Variants in EYS observed in about 807,000 individuals in gnomAD.
The protein encoded by EYS is EGF-like photoreceptor maintenance factor, also known as protein eyes shut homolog.
A neutral mutation model predicts 282.1 loss-of-function variants in EYS; 250 were observed. The ratio of observed to expected loss-of-function variants is 0.89; its 90% CI spans 0.80 to 0.98. The LOEUF (loss-of-function observed/expected upper bound fraction) is 0.98. EYS is among the 50% of genes least tolerant of loss of function. The probability of loss-of-function intolerance (pLI) is 0.00; values close to 1 mark genes in which losing one functional copy is unlikely to be tolerated. For missense variants in EYS, 4,016 were observed against 3,709.0 expected, an observed-to-expected ratio of 1.08 and a Z score of -2.15; for synonymous variants, 1,355 against 1,282.9, an observed-to-expected ratio of 1.06 and a Z score of -1.20.
At chr6:64,636,100 A>G (rs1298455288) in intron 22 of EYS, among the ~76,000 whole-genome samples, 1 of 152,190 alleles carries the variant, frequency 6.6e-6, no homozygotes, top group Non-Finnish European at 1.5e-5. Flanking sequence ...TTTAAAGTTC[A>G]TATGGAACCA....
intron 36 of EYS, among the ~76,000 whole-genome samples, chr6:63,863,451 A>G (rs1772585053): frequency 6.6e-6 from 1 of 151,944 alleles, no homozygotes; most frequent in South Asian, 2.1e-4. Flanking sequence ...GGTTTTGTAA[A>G]GCAACTGGGC....
chr6:64,222,338 C>T (rs902856974), intron 31 of EYS, among the ~76,000 whole-genome samples: 18 of 152,048 alleles, frequency 1.2e-4, no homozygotes, highest in Non-Finnish European at 5.9e-5. Context: ...ATGTTGACAA[C>T]AATGTCTGAA....
intron 35 of EYS, among the ~76,000 whole-genome samples, chr6:63,964,783 C>G (rs1180429493): frequency 1.3e-5 from 2 of 152,174 alleles, no homozygotes; most frequent in Non-Finnish European, 2.9e-5. Flanking sequence ...AAAACAACAA[C>G]CAGTTCCTTT....
At chr6:65,533,389 G>C (rs1244035909) in intron 2 of EYS, among the ~76,000 whole-genome samples, 5 of 152,044 alleles carry the variant, frequency 3.3e-5, no homozygotes. Context: ...ATTCACAGCA[G>C]AATTCTACCA....
At chr6:65,285,735 A>C (rs1419287104) in intron 12 of EYS, among the ~76,000 whole-genome samples, 1 of 152,030 alleles carries the variant, frequency 6.6e-6, no homozygotes, top group Non-Finnish European at 1.5e-5. Context: ...TAAGTGTACA[A>C]ATCGAGAAAT....
chr6:64,815,050 CAG>C, intron 21 of EYS, among the ~76,000 whole-genome samples: 1 of 151,962 alleles, frequency 6.6e-6, no homozygotes, highest in East Asian at 1.9e-4. Flanking sequence ...TAAAAATCAT[CAG>C]AGAGATTAAT....
chr6:64,180,565 C>A (rs1019025808), intron 31 of EYS, among the ~76,000 whole-genome samples: 2 of 149,902 alleles, frequency 1.3e-5, no homozygotes, highest in Non-Finnish European at 2.9e-5. Flanking sequence ...TTTTTCAACC[C>A]ATACCCCCTC....
intron 12 of EYS, among the ~76,000 whole-genome samples, chr6:65,070,563 T>C (rs1480506041): frequency 6.6e-6 from 1 of 151,850 alleles, no homozygotes; most frequent in African/African-American, 2.4e-5. Context: ...GGTTATATCA[T>C]GGCTAGGGAT....
At chr6:64,334,438 A>G (rs1770766628) in intron 29 of EYS, among the ~76,000 whole-genome samples, 1 of 152,174 alleles carries the variant, frequency 6.6e-6, no homozygotes, top group South Asian at 2.1e-4. Flanking sequence ...AAAAATAAAT[A>G]CTAACATTAA....
At chr6:65,218,136 A>T (rs1766363405) in intron 12 of EYS, among the ~76,000 whole-genome samples, 1 of 152,094 alleles carries the variant, frequency 6.6e-6, no homozygotes, top group Non-Finnish European at 1.5e-5. Context: ...AAGTATCTTA[A>T]TATTTTCCTT....
chr6:65,443,589 T>C (rs1217925142), intron 5 of EYS, among the ~76,000 whole-genome samples: 1 of 151,706 alleles, frequency 6.6e-6, no homozygotes, highest in Non-Finnish European at 1.5e-5. Context: ...TATACACATA[T>C]ACATATACAT....
At chr6:64,857,224 C>G (rs1279071537) in intron 19 of EYS, among the ~76,000 whole-genome samples, 1 of 152,106 alleles carries the variant, frequency 6.6e-6, no homozygotes, top group African/African-American at 2.4e-5. Flanking sequence ...GCACTGAATG[C>G]CATACATTTC....
intron 22 of EYS, among the ~76,000 whole-genome samples, chr6:64,643,112 TCCC>T (rs34581754): frequency 1.4e-3 from 206 of 143,720 alleles, no homozygotes; most frequent in African/African-American, 4.0e-3. Flanking sequence ...TGAAACTCCA[TCCC>T]CCCCCCCAAA....
intron 11 of EYS, among the ~76,000 whole-genome samples, chr6:65,296,323 T>C (rs892465522): frequency 6.6e-6 from 1 of 152,082 alleles, no homozygotes; most frequent in Non-Finnish European, 1.5e-5. Flanking sequence ...TGAGTGAAAA[T>C]AACTTTGGTG....
At chr6:65,167,662 T>C (rs1159093418) in intron 12 of EYS, among the ~76,000 whole-genome samples, 1 of 151,204 alleles carries the variant, frequency 6.6e-6, no homozygotes, top group East Asian at 2.0e-4. Flanking sequence ...TTCTGGAAAC[T>C]GACTTGAGAG....
chr6:64,718,590 C>T (rs111495062), intron 22 of EYS, among the ~76,000 whole-genome samples: 38 of 152,274 alleles, frequency 2.5e-4, no homozygotes, highest in African/African-American at 7.2e-4. Flanking sequence ...TTAACATTCA[C>T]GCTTTTCATT....
chr6:64,897,760 A>G lies in EYS; in HGVS notation c.2846+4353T>C, dbSNP rs546078784. On this transcript the variant is annotated intron_variant, in intron 18 of 42. Coordinates refer to ENST00000503581, the MANE Select transcript of EYS (RefSeq NM_001142800.2). ...AATAACCAGTTTAGAGAAGAACATAAATGACCTGATGGAGCTGAAAGCCAC... is the reference window on the plus strand; with the variant it reads ...AATAACCAGTTTAGAGAAGAACATAGATGACCTGATGGAGCTGAAAGCCAC... Among the ~76,000 whole-genome samples, 9 of 152,338 alleles carry G rather than the reference A, an allele frequency of 5.9e-5. No homozygotes were observed. The East Asian group carries it at 1.4e-3, about 23-fold the overall frequency.
At chr6:63,790,841 T>C (rs1248718050) in intron 37 of EYS, among the ~76,000 whole-genome samples, 1 of 152,168 alleles carries the variant, frequency 6.6e-6, no homozygotes, top group East Asian at 1.9e-4. Flanking sequence ...TCTTTCAAAT[T>C]GTCCAGGTTA....
chr6:63,911,562 A>G (rs760915244), intron 35 of EYS, among the ~76,000 whole-genome samples: 1 of 152,230 alleles, frequency 6.6e-6, no homozygotes, highest in African/African-American at 2.4e-5. Context: ...ATTTTACATC[A>G]TAATTGATAA....
Sources: gnomAD v4.1 joint callset for allele counts (sites outside exome capture counted in the v4.1 genomes callset) on GRCh38, gnomAD v4.1.1 for gene constraint, MANE v1.5 for transcripts, NCBI Gene and HGNC (gene_info 2026-07-23, HGNC 2026-07-21) for gene names.